The following NAA15 variants were observed in gnomAD, a reference collection of about 807,000 sequenced individuals.
NAA15 encodes N-alpha-acetyltransferase 15, NatA auxiliary subunit, also known as N-terminal acetyltransferase.
NAA15 carries 34 observed loss-of-function variants against 114.0 expected under a neutral mutation model. That is an observed-to-expected ratio of 0.30 (90% CI 0.23 to 0.40). The LOEUF is 0.40. Among genes scored for constraint, NAA15 ranks in the 10% least tolerant of loss-of-function variants. The pLI is 1.00. For synonymous variants in NAA15, 340 were observed against 338.0 expected (o/e 1.01, Z -0.06); for missense variants, 658 against 1,004.5 (o/e 0.66, Z 4.66).
intron 1 of NAA15, among the ~76,000 whole-genome samples, chr4:139,315,464 G>C (rs1040585833): frequency 6.6e-6 from 1 of 151,884 alleles, no homozygotes; most frequent in African/African-American, 2.4e-5. Context: ...GCTTCAGTGA[G>C]CAGTGTTCAT....
At chr4:139,377,787 A>G (rs951721846) in intron 16 of NAA15, among the ~76,000 whole-genome samples, 19 of 152,214 alleles carry the variant, frequency 1.2e-4, no homozygotes, top group African/African-American at 4.6e-4. Flanking sequence ...AACGTGGAAA[A>G]TAAGTTTAAT....
chr4:139,325,002 G>A (rs1746746336), intron 1 of NAA15, among the ~76,000 whole-genome samples: 1 of 152,088 alleles, frequency 6.6e-6, no homozygotes, highest in Non-Finnish European at 1.5e-5. Flanking sequence ...GGACATAGCT[G>A]AATTTCATTA....
chr4:139,312,939 T>G (rs561848346), intron 1 of NAA15, among the ~76,000 whole-genome samples: 1 of 152,102 alleles, frequency 6.6e-6, no homozygotes, highest in South Asian at 2.1e-4. Flanking sequence ...CTACTGCACT[T>G]TCTTTGGTTA....
At chr4:139,360,685 A>G (rs1024054159) in intron 13 of NAA15, 57 bp downstream of exon 13, 1 of 1,434,992 alleles carries the variant, frequency 7.0e-7, no homozygotes, top group Non-Finnish European at 9.3e-7. Flanking sequence ...GTTTTGGACA[A>G]ATTTCATAGT....
At position 139,384,926 on chromosome 4, in the gene NAA15, T is replaced by C; in HGVS notation, c.2250T>C (p.Phe750=). 1 of 1,570,140 alleles carries C rather than the reference T, an allele frequency of 6.4e-7. No homozygotes were observed. Among genetic ancestry groups the C allele is most frequent in the Non-Finnish European group, 8.6e-7 (1 of 1,158,548 alleles). ...RLFGATNPKN[F]NETFLKRNSD... ...TTGGAGCAACGAATCCAAAGAATTT[T>C]AATGAAACTTTTCTGAAAAGGAATT... Residue 750 remains phenylalanine, a synonymous_variant, in exon 18 of 20, where the codon TTT becomes TTC. Coordinates refer to ENST00000296543, the MANE Select transcript of NAA15 (RefSeq NM_057175.5).
Position 139,334,148 on chromosome 4 carries a change from T to G in NAA15, c.55-26T>G, listed in dbSNP as rs771425569. On this transcript the variant is annotated intron_variant, in intron 1 of 19. Transcript: ENST00000296543. ...AGTTGTTTGTATTCCTTGCTAAACTTAAATTTTTCTTTTTTGTTTTGACAG... is the reference window on the plus strand; with the variant it reads ...AGTTGTTTGTATTCCTTGCTAAACTGAAATTTTTCTTTTTTGTTTTGACAG... 2.7e-6 allele frequency: 4 copies of G among 1,493,790 alleles called. No homozygotes were observed. The African/African-American group carries it at 5.6e-5, about 21-fold the overall frequency. The allele number at this position is 1,493,790 out of a possible 1,614,324, so 92.5% of individuals were successfully genotyped here.
intron 1 of NAA15, among the ~76,000 whole-genome samples, chr4:139,304,843 G>A (rs1036633499): frequency 7.2e-5 from 11 of 151,854 alleles, no homozygotes; most frequent in African/African-American, 1.7e-4. Flanking sequence ...CTCTCCCACC[G>A]CCCTCCCATC....
intron 1 of NAA15, among the ~76,000 whole-genome samples, chr4:139,315,001 T>TTCAGTTCAGGTTAGGTTAGGTTAGG (rs1181192026): frequency 1.2e-4 from 9 of 74,350 alleles, no homozygotes; most frequent in South Asian, 4.7e-4. Flanking sequence ...TTCAGTTCAG[T>TTCAGTTCAGGTTAGGTTAGGTTAGG]TTAGTTTAGG....
At chr4:139,382,367 G>GT (rs1042443503) in intron 17 of NAA15, among the ~76,000 whole-genome samples, 20 of 151,644 alleles carry the variant, frequency 1.3e-4, no homozygotes, top group South Asian at 2.1e-4. Context: ...TTTTGGTAGA[G>GT]TTTTTTTTAG....
chr4:139,384,696 A>G, intron 17 of NAA15, 136 bp from the exon 18 acceptor site: 1 of 479,988 alleles, frequency 2.1e-6, no homozygotes, highest in Non-Finnish European at 3.4e-6. Flanking sequence ...TTGAGGCTAC[A>G]GTGAGCCATG....
chr4:139,347,754 C>T (rs1208795623), intron 6 of NAA15, among the ~76,000 whole-genome samples: 13 of 152,044 alleles, frequency 8.6e-5, no homozygotes, highest in South Asian at 8.3e-4. Context: ...TTAAGTCGGC[C>T]GGGCGCGGTG....
intron 1 of NAA15, among the ~76,000 whole-genome samples, chr4:139,310,052 C>T (rs2110832001): frequency 6.6e-6 from 1 of 152,268 alleles, no homozygotes; most frequent in East Asian, 1.9e-4. Context: ...CTGGCCTCAA[C>T]TGAAGGGATC....
At position 139,314,991 on chromosome 4, in the gene NAA15, T is replaced by TCAGG. The variant is rs1560952660; in HGVS notation, c.54+13160_54+13161insCAGG. Among the ~76,000 whole-genome samples the TCAGG allele has an allele frequency of 1.5e-4, 10 of 67,500 alleles. 1 individual carries two copies. The highest frequency in any genetic ancestry group is 4.0e-4 in the Admixed American group (3 of 7,478). The allele number at this position is 67,500 out of a possible 152,430, so 44.3% of individuals were successfully genotyped here. A position where few individuals can be genotyped will look rare whatever the true frequency, so the allele number is the denominator to read the frequency against. ...ACACCCGGCCTAGAGAAGCGTTCAG[T>TCAGG]TCAGTTCAGTTTAGTTTAGGTTAGG... On this transcript the variant is annotated intron_variant, in intron 1 of 19. Transcript: ENST00000296543.
At chr4:139,327,012 T>C (rs1325563866) in intron 1 of NAA15, among the ~76,000 whole-genome samples, 1 of 152,084 alleles carries the variant, frequency 6.6e-6, no homozygotes, top group Non-Finnish European at 1.5e-5. Flanking sequence ...CATAGTTCAC[T>C]GCAGCCTCAA....
intron 1 of NAA15, among the ~76,000 whole-genome samples, chr4:139,325,165 A>C (rs1364312974): frequency 6.6e-6 from 1 of 152,084 alleles, no homozygotes; most frequent in East Asian, 1.9e-4. Flanking sequence ...GGGATTATCT[A>C]GTTTAATTTT....
Position 139,301,618 on chromosome 4 carries a change from A to C in NAA15, c.-160A>C, listed in dbSNP as rs1745745648. 1.4e-6 allele frequency: 1 copy of C among 703,472 alleles called. No individual in the cohort carries two copies. Among genetic ancestry groups the C allele is most frequent in the Non-Finnish European group, 2.3e-6 (1 of 428,262 alleles). The allele number at this position is 703,472 out of a possible 1,614,324, so 43.6% of individuals were successfully genotyped here. A position where few individuals can be genotyped will look rare whatever the true frequency, so the allele number is the denominator to read the frequency against. On this transcript the variant is annotated 5_prime_UTR_variant, in exon 1 of 20. Transcript: ENST00000296543. ...GGAAAAAAGACAACGAGGAAAAAGG[A>C]GGTGTCCGGGTAGGGCAACGCGGCG...
intron 15 of NAA15, among the ~76,000 whole-genome samples, chr4:139,375,814 G>A (rs1247279002): frequency 6.7e-6 from 1 of 149,876 alleles, no homozygotes; most frequent in Non-Finnish European, 1.5e-5. Flanking sequence ...AATAAAAATT[G>A]GTAGGAACAC....
At chr4:139,367,837 C>A (rs1020750169) in intron 14 of NAA15, among the ~76,000 whole-genome samples, 3 of 152,278 alleles carry the variant, frequency 2.0e-5, no homozygotes, top group Non-Finnish European at 2.9e-5. Flanking sequence ...GGCACTTTGC[C>A]TGAAAATCCC....
intron 7 of NAA15, 79 bp from the exon 8 acceptor site, chr4:139,351,112 C>A: frequency 1.5e-6 from 1 of 651,194 alleles, no homozygotes; most frequent in South Asian, 2.9e-5. Context: ...TTTTAATATA[C>A]TTTGAGAAGT....
Sources: gnomAD v4.1 joint callset for allele counts (sites outside exome capture counted in the v4.1 genomes callset) on GRCh38, gnomAD v4.1.1 for gene constraint, MANE v1.5 for transcripts, NCBI Gene and HGNC (gene_info 2026-07-23, HGNC 2026-07-21) for gene names.